RIN2: variants seen among roughly 807,000 people sequenced by gnomAD.
The protein encoded by RIN2 is Ras and Rab interactor 2.
Under a neutral mutation model 78.0 loss-of-function variants are expected in RIN2, and 36 were observed. The ratio of observed to expected loss-of-function variants is 0.46; its 90% CI spans 0.35 to 0.61. The LOEUF is 0.61. Among genes scored for constraint, RIN2 ranks in the 20% least tolerant of loss-of-function variants. RIN2 has a pLI of 0.00. For synonymous variants in RIN2, 466 were observed against 466.8 expected (o/e 1.00, Z 0.02); for missense variants, 1,087 against 1,159.7 (o/e 0.94, Z 0.91).
intron 3 of RIN2, among the ~76,000 whole-genome samples, chr20:19,916,238 C>T (rs1425595801): frequency 6.6e-6 from 1 of 152,102 alleles, no homozygotes; most frequent in Non-Finnish European, 1.5e-5. Context: ...GACTCCATCT[C>T]AGAAAAAACA....
intron 8 of RIN2, among the ~76,000 whole-genome samples, chr20:19,972,283 G>A (rs1343362339): frequency 6.6e-6 from 1 of 152,140 alleles, no homozygotes; most frequent in Non-Finnish European, 1.5e-5. Flanking sequence ...TCTTGAAGAT[G>A]TGCACCGGGT....
chr20:19,758,971 G>T (rs1484606215), intron 1 of RIN2, among the ~76,000 whole-genome samples: 1 of 152,216 alleles, frequency 6.6e-6, no homozygotes, highest in Non-Finnish European at 1.5e-5. Flanking sequence ...CTGCGCAGCG[G>T]GCGGAGGAGG....
rs918786181 is a variant in RIN2 at position 19,901,745 on chromosome 20, G to C, written c.57+12087G>C. The stretch of plus-strand genomic sequence containing the variant: ...TTAATCTAATAAACAGGTCGAGTGC[G>C]GTGGCCCACACCTGTAATCCCAGCT... On this transcript the variant is annotated intron_variant, in intron 3 of 12. Coordinates refer to ENST00000255006, the MANE Select transcript of RIN2 (RefSeq NM_018993.4). Among the ~76,000 whole-genome samples, 3 of 152,000 alleles carry C rather than the reference G, an allele frequency of 2.0e-5. No individual in the cohort carries two copies. The South Asian group carries it at 6.2e-4, about 32-fold the overall frequency.
At chr20:19,984,452 G>A (rs554438071) in intron 9 of RIN2, among the ~76,000 whole-genome samples, 1 of 152,086 alleles carries the variant, frequency 6.6e-6, no homozygotes, top group Non-Finnish European at 1.5e-5. Flanking sequence ...CACAGGAAAG[G>A]AACAGTAAAA....
intron 2 of RIN2, among the ~76,000 whole-genome samples, chr20:19,876,557 C>T (rs1325158778): frequency 6.9e-6 from 1 of 145,566 alleles, no homozygotes; most frequent in African/African-American, 2.6e-5. Context: ...ACTATGATGG[C>T]ATAACAGACA....
At chr20:19,921,836 T>A (rs549970697) in intron 3 of RIN2, among the ~76,000 whole-genome samples, 2 of 143,272 alleles carry the variant, frequency 1.4e-5, no homozygotes, top group African/African-American at 2.6e-5. Flanking sequence ...TAAGGGTAAA[T>A]TTGGATCTGT....
chr20:19,768,114 G>A (rs1211261929), intron 1 of RIN2, among the ~76,000 whole-genome samples: 1 of 152,092 alleles, frequency 6.6e-6, no homozygotes, highest in African/African-American at 2.4e-5. Context: ...GAGAAAGTCT[G>A]TGAGGGAAAC....
intron 3 of RIN2, among the ~76,000 whole-genome samples, chr20:19,934,274 A>T (rs2040547278): frequency 2.0e-5 from 2 of 99,438 alleles, no homozygotes; most frequent in South Asian, 5.6e-4. Context: ...TTGTATGGAA[A>T]ATTACTATGT....
intron 4 of RIN2, among the ~76,000 whole-genome samples, chr20:19,946,992 C>T (rs953423575): frequency 2.7e-5 from 4 of 149,976 alleles, no homozygotes; most frequent in Admixed American, 2.0e-4. Flanking sequence ...GATCGTACCA[C>T]TGCACTCCAG....
intron 1 of RIN2, among the ~76,000 whole-genome samples, chr20:19,785,190 AC>A (rs1371525876): frequency 1.3e-5 from 2 of 152,148 alleles, no homozygotes; most frequent in African/African-American, 4.8e-5. Flanking sequence ...AAAGTGGCAG[AC>A]AACGTGCAAG....
intron 1 of RIN2, among the ~76,000 whole-genome samples, chr20:19,786,391 A>G (rs190886085): frequency 1.3e-5 from 2 of 152,328 alleles, no homozygotes; most frequent in Admixed American, 1.3e-4. Context: ...GGGCAAACAG[A>G]TCACATGACA....
intron 2 of RIN2, among the ~76,000 whole-genome samples, chr20:19,834,673 CT>C (rs1187883228): frequency 6.6e-6 from 1 of 152,192 alleles, no homozygotes; most frequent in African/African-American, 2.4e-5. Context: ...GATCTTCGGT[CT>C]TTTTAGTTTT....
chr20:19,759,812 C>T (rs2033560707), intron 1 of RIN2, among the ~76,000 whole-genome samples: 1 of 152,016 alleles, frequency 6.6e-6, no homozygotes. Context: ...TGCAGTAAGC[C>T]GACATTGTGC....
intron 3 of RIN2, among the ~76,000 whole-genome samples, chr20:19,898,346 C>T (rs1379597190): frequency 6.6e-6 from 1 of 152,118 alleles, no homozygotes; most frequent in East Asian, 1.9e-4. Context: ...TTCCTTGTAG[C>T]TCTAAGTTTC....
At chr20:19,977,197 G>A (rs781719367) in intron 9 of RIN2, among the ~76,000 whole-genome samples, 1 of 152,154 alleles carries the variant, frequency 6.6e-6, no homozygotes, top group South Asian at 2.1e-4. Context: ...GGTCAGAGGG[G>A]GGTGCAGCCA....
chr20:19,766,042 C>T (rs1355517044), intron 1 of RIN2, among the ~76,000 whole-genome samples: 1 of 152,142 alleles, frequency 6.6e-6, no homozygotes, highest in Non-Finnish European at 1.5e-5. Flanking sequence ...CTTATCCCCT[C>T]AGTCCTGTGA....
At chr20:19,885,159 T>C (rs996898156) in intron 2 of RIN2, among the ~76,000 whole-genome samples, 3 of 152,170 alleles carry the variant, frequency 2.0e-5, no homozygotes, top group Admixed American at 1.3e-4. Flanking sequence ...TGGAATCCAA[T>C]ATAATTGCTT....
intron 2 of RIN2, among the ~76,000 whole-genome samples, chr20:19,851,015 AAG>A (rs2036945447): frequency 9.6e-6 from 1 of 103,794 alleles, no homozygotes; most frequent in African/African-American, 4.1e-5. Flanking sequence ...GGAAGGAAGG[AAG>A]GAAGGAAGGA....
chr20:19,795,699 C>A (rs1339175970), intron 1 of RIN2, among the ~76,000 whole-genome samples: 1 of 152,084 alleles, frequency 6.6e-6, no homozygotes, highest in Non-Finnish European at 1.5e-5. Flanking sequence ...CTTAGAGTGC[C>A]ATTGTGTCAA....
Sources: gnomAD v4.1 joint callset for allele counts (sites outside exome capture counted in the v4.1 genomes callset) on GRCh38, gnomAD v4.1.1 for gene constraint, MANE v1.5 for transcripts, NCBI Gene and HGNC (gene_info 2026-07-23, HGNC 2026-07-21) for gene names.